GRAP2: variants seen among roughly 807,000 people sequenced by gnomAD.
GRAP2 encodes GRB2 related adaptor protein 2.
A neutral mutation model predicts 43.5 loss-of-function variants in GRAP2; 31 were observed. The observed-to-expected ratio is 0.71, with a 90% CI of 0.54 to 0.96. The LOEUF is 0.96. Among genes scored for constraint, GRAP2 ranks in the 40% least tolerant of loss-of-function variants. The pLI, the probability that GRAP2 is intolerant of heterozygous loss-of-function variation, is 0.00. For missense variants in GRAP2, 371 were observed against 424.4 expected (o/e 0.87, Z 1.11); for synonymous variants, 156 against 164.8 (o/e 0.95, Z 0.41).
At chr22:39,935,502 A>C (rs2066797894) in intron 1 of GRAP2, among the ~76,000 whole-genome samples, 1 of 152,256 alleles carries the variant, frequency 6.6e-6, no homozygotes, top group South Asian at 2.1e-4. Flanking sequence ...AATTAGAAAG[A>C]ACAAAATTTC....
chr22:39,948,658 A>G (rs903632047), intron 2 of GRAP2, among the ~76,000 whole-genome samples: 1 of 151,728 alleles, frequency 6.6e-6, no homozygotes, highest in Non-Finnish European at 1.5e-5. Flanking sequence ...CACTCATTCC[A>G]CAACTCTCTG....
chr22:39,915,714 C>T (rs1044295339), intron 1 of GRAP2, among the ~76,000 whole-genome samples: 1 of 152,098 alleles, frequency 6.6e-6, no homozygotes. Flanking sequence ...AATGTAATAA[C>T]GTGTATCAAA....
chr22:39,897,871 T>A (rs555485339), upstream of GRAP2, among the ~76,000 whole-genome samples: 2 of 152,260 alleles, frequency 1.3e-5, no homozygotes, highest in South Asian at 4.1e-4. Context: ...TCCCTTGCTA[T>A]CTAATTTCAG....
At chr22:39,909,405 T>C (rs2066543563) in intron 1 of GRAP2, among the ~76,000 whole-genome samples, 1 of 152,240 alleles carries the variant, frequency 6.6e-6, no homozygotes, top group African/African-American at 2.4e-5. Context: ...AAGGGAGATT[T>C]ATGATACAGC....
chr22:39,904,549 G>A (rs1270717308), intron 1 of GRAP2, among the ~76,000 whole-genome samples: 1 of 152,128 alleles, frequency 6.6e-6, no homozygotes, highest in Non-Finnish European at 1.5e-5. Flanking sequence ...TGAATTACTT[G>A]TAAGTTGCAG....
At chr22:39,958,187 C>G (rs568071348) in intron 3 of GRAP2, among the ~76,000 whole-genome samples, 2 of 152,116 alleles carry the variant, frequency 1.3e-5, no homozygotes, top group Non-Finnish European at 2.9e-5. Context: ...GTCCTTCCTC[C>G]GGTTGTCCTC....
Position 39,971,119 on chromosome 22 carries a change from T to C in GRAP2, c.*35T>C. The stretch of plus-strand genomic sequence containing the variant: ...GGGACAGAAGCTTTTTGTCTGGAGC[T>C]GCCCACAAGAAAGAGGGCAAGGAAA... On this transcript the variant is annotated 3_prime_UTR_variant, in exon 8 of 8. Transcript: ENST00000344138. The C allele has an allele frequency of 3.2e-6, 5 of 1,539,436 alleles. No homozygotes were observed. Among genetic ancestry groups the C allele is most frequent in the Non-Finnish European group, 4.4e-6 (5 of 1,127,108 alleles).
At position 39,908,227 on chromosome 22, in the gene GRAP2, C is replaced by T. The variant is rs947060640; in HGVS notation, c.-15+6897C>T. Among the ~76,000 whole-genome samples the T allele has an allele frequency of 3.3e-5, 5 of 152,240 alleles. No individual in the cohort carries two copies. The East Asian group carries it at 9.6e-4, about 29-fold the overall frequency. ...TAGATGGCAAGACCCTTCACCCTTC[C>T]CTGTAGGGCATAAGAGCTGGCATCC... On this transcript the variant is annotated intron_variant, in intron 1 of 7. Coordinates refer to ENST00000344138, the MANE Select transcript of GRAP2 (RefSeq NM_004810.4).
chr22:39,961,073 G>A (rs2067115083), intron 4 of GRAP2, among the ~76,000 whole-genome samples: 1 of 150,832 alleles, frequency 6.6e-6, no homozygotes, highest in Non-Finnish European at 1.5e-5. Context: ...AGCCTCTCAA[G>A]TAGCTGGGGA....
rs573313901 is a variant in GRAP2 at position 39,967,732 on chromosome 22, G to A, written c.460-310G>A. ...GGGGTGGCATTGTATCAGTAAAATG[G>A]AATATTTCAGCTTGATTACACAGAG... is the stretch of plus-strand genomic sequence containing the variant. On this transcript the variant is annotated intron_variant, in intron 5 of 7. Coordinates refer to ENST00000344138, the MANE Select transcript of GRAP2 (RefSeq NM_004810.4). Among the ~76,000 whole-genome samples the A allele has an allele frequency of 1.7e-3, 258 of 152,306 alleles. 3 individuals carry two copies. The highest frequency in any genetic ancestry group is 4.6e-3 in the African/African-American group (192 of 41,554).
At chr22:39,924,236 G>A (rs567063249) in intron 1 of GRAP2, among the ~76,000 whole-genome samples, 5 of 152,130 alleles carry the variant, frequency 3.3e-5, no homozygotes, top group African/African-American at 7.2e-5. Context: ...TTTATAAATC[G>A]CGGGAGAAAT....
intron 1 of GRAP2, among the ~76,000 whole-genome samples, chr22:39,933,992 C>A (rs2066782241): frequency 6.6e-6 from 1 of 152,134 alleles, no homozygotes; most frequent in Non-Finnish European, 1.5e-5. Flanking sequence ...AAGTCTATGG[C>A]TTGCAAAAGA....
rs765826788 is a variant in GRAP2, at chr22:39,966,040, A to G, written c.341A>G (p.Asn114Ser). ...AAGGTCATGCGAGACAACAAGGGTA[A>G]TTACTTTCTGTGGACTGAGAAGTTT... Reference protein sequence around the residue: ...HFKVMRDNKGNYFLWTEKFPS... With the variant: ...HFKVMRDNKGSYFLWTEKFPS... Residue 114 changes from asparagine to serine, a missense_variant, in exon 5 of 8, where the codon AAT becomes AGT. Coordinates refer to ENST00000344138, the MANE Select transcript of GRAP2 (RefSeq NM_004810.4). The G allele has an allele frequency of 6.2e-7, 1 of 1,613,952 alleles. No individual in the cohort carries two copies. The highest frequency in any genetic ancestry group is 1.3e-5 in the African/African-American group (1 of 74,946).
chr22:39,903,937 C>A (rs2066508068), intron 1 of GRAP2, among the ~76,000 whole-genome samples: 1 of 152,122 alleles, frequency 6.6e-6, no homozygotes, highest in African/African-American at 2.4e-5. Flanking sequence ...AAACTTGAGT[C>A]AGTAGGAATT....
At chr22:39,926,932 TGCCTGGCTCCA>T in intron 1 of GRAP2, 1 of 780,446 alleles carries the variant, frequency 1.3e-6, no homozygotes, top group Non-Finnish European at 1.6e-6. Flanking sequence ...TGCCACCCAC[TGCCTGGCTCCA>T]GCCTGGATCC....
At chr22:39,942,052 T>C (rs1343002367) in intron 1 of GRAP2, among the ~76,000 whole-genome samples, 2 of 152,138 alleles carry the variant, frequency 1.3e-5, no homozygotes, top group African/African-American at 4.8e-5. Flanking sequence ...CATAACAAAT[T>C]TTCCTTTCAT....
intron 1 of GRAP2, among the ~76,000 whole-genome samples, chr22:39,936,608 CA>C (rs2066809042): frequency 6.6e-6 from 1 of 151,342 alleles, no homozygotes; most frequent in Admixed American, 6.6e-5. Context: ...TTGGAAAAAG[CA>C]GAATATATTG....
In GRAP2 at chr22:39,968,143, G is replaced by T; in HGVS notation, c.561G>T (p.Ser187=). 6.2e-7 allele frequency: 1 copy of T among 1,607,088 alleles called. No homozygotes were observed. Among genetic ancestry groups the T allele is most frequent in the Non-Finnish European group, 8.5e-7 (1 of 1,176,856 alleles). ...EIRPSMNRKL[S]DHPPTLPLQQ... is the part of the protein sequence containing the mutation. Reference sequence around the variant, plus strand: ...GACCTTCGATGAACCGGAAGCTGTCGGATCACCCCCCGACCCTTCCCCTGC... The same window carrying T: ...GACCTTCGATGAACCGGAAGCTGTCTGATCACCCCCCGACCCTTCCCCTGC... The change falls in exon 6 of 8, where the codon TCG becomes TCT. Residue 187 remains serine (S), a synonymous_variant. Transcript: ENST00000344138.
At chr22:39,922,779 G>A (rs768526755) in intron 1 of GRAP2, among the ~76,000 whole-genome samples, 2 of 152,006 alleles carry the variant, frequency 1.3e-5, no homozygotes, top group Admixed American at 6.6e-5. Flanking sequence ...GCGGTGGCTC[G>A]CGCCTGTAAT....
Sources: allele counts gnomAD v4.1 joint callset (sites outside exome capture counted in the v4.1 genomes callset), GRCh38; gene constraint gnomAD v4.1.1; transcripts MANE v1.5; gene names NCBI Gene and HGNC (gene_info 2026-07-23, HGNC 2026-07-21).